Variants in CCDC146 observed in about 807,000 individuals in gnomAD.
CCDC146 encodes the protein coiled-coil domain-containing protein 146.
A neutral mutation model predicts 119.3 loss-of-function variants in CCDC146; 92 were observed. The observed-to-expected ratio is 0.77, with a 90% CI of 0.65 to 0.92. The LOEUF (loss-of-function observed/expected upper bound fraction) is 0.92. Ranked by LOEUF, CCDC146 falls within the 40% of genes least tolerant of loss-of-function variation. The pLI is 0.00. For synonymous variants in CCDC146, 372 were observed against 371.8 expected (o/e 1.00, Z -0.01); for missense variants, 1,000 against 1,103.0 (o/e 0.91, Z 1.32).
At chr7:77,292,264 A>T (rs1217005385) in intron 17 of CCDC146, among the ~76,000 whole-genome samples, 1 of 150,388 alleles carries the variant, frequency 6.6e-6, no homozygotes, top group Non-Finnish European at 1.5e-5. Flanking sequence ...ACTATATACC[A>T]GTGTGAGCAA....
intron 2 of CCDC146, among the ~76,000 whole-genome samples, chr7:77,182,011 T>C (rs1265323262): frequency 7.9e-5 from 12 of 152,216 alleles, no homozygotes; most frequent in Non-Finnish European, 2.9e-5. Flanking sequence ...TAGAACCTAA[T>C]GCCAAGTTAT....
intron 1 of CCDC146, among the ~76,000 whole-genome samples, chr7:77,156,002 G>C (rs1477744774): frequency 2.0e-5 from 3 of 152,138 alleles, no homozygotes; most frequent in Non-Finnish European, 2.9e-5. Context: ...TTGGGGTATG[G>C]TAGGAATGGG....
chr7:77,286,446 A>T (rs570466154), intron 15 of CCDC146, among the ~76,000 whole-genome samples: 2 of 152,268 alleles, frequency 1.3e-5, no homozygotes, highest in Non-Finnish European at 2.9e-5. Flanking sequence ...GGACACATCG[A>T]AACCATATCA....
chr7:77,234,635 TG>T (rs1437977876), intron 2 of CCDC146, among the ~76,000 whole-genome samples: 8 of 152,094 alleles, frequency 5.3e-5, no homozygotes, highest in African/African-American at 1.9e-4. Context: ...ATTGGGAGGC[TG>T]AGGCAGGAGA....
intron 1 of CCDC146, among the ~76,000 whole-genome samples, chr7:77,129,249 A>G (rs191572230): frequency 2.3e-3 from 344 of 152,096 alleles, no homozygotes; most frequent in Non-Finnish European, 3.8e-3. Flanking sequence ...TACCCACCCA[A>G]TTGTCACTCA....
At chr7:77,130,242 A>T (rs1229315076) in intron 1 of CCDC146, among the ~76,000 whole-genome samples, 1 of 152,100 alleles carries the variant, frequency 6.6e-6, no homozygotes, top group Non-Finnish European at 1.5e-5. Context: ...TATAGGATAT[A>T]TAGGGTACTA....
chr7:77,258,897 CA>C, intron 6 of CCDC146, 97 bp from the exon 7 acceptor site: 2 of 759,754 alleles, frequency 2.6e-6, no homozygotes, highest in Non-Finnish European at 4.6e-6. Context: ...TAAGTATCTA[CA>C]TATTGTAGTT....
chr7:77,292,974 T>G lies in CCDC146; in HGVS notation c.2438T>G (p.Ile813Ser), dbSNP rs773703773. 1 of 1,613,868 alleles carries G rather than the reference T, an allele frequency of 6.2e-7. No individual in the cohort carries two copies. The highest frequency in any genetic ancestry group is 1.1e-5 in the South Asian group (1 of 91,062). Residue 813 changes from isoleucine (I) to serine (S), a missense_variant, in exon 18 of 19, where the codon ATC becomes AGC. Ile to Ser is a moderately radical substitution (Grantham distance 142). This residue lies in a region of CCDC146 where 985 missense variants were observed against 1,045.3 expected (regional missense o/e 0.94). Transcript: ENST00000285871. ...TAGATGAATGGCTATCAAAGAAGGA[T>G]CAAAAATGCAACTGAGAAAATGATG... ...AKKMNGYQRR[I>S]KNATEKMMAL...
intron 2 of CCDC146, among the ~76,000 whole-genome samples, chr7:77,192,750 C>G (rs1009221652): frequency 2.2e-4 from 34 of 152,052 alleles, no homozygotes; most frequent in African/African-American, 8.2e-4. Flanking sequence ...TGGTGAAACC[C>G]CGTCTCTACT....
chr7:77,180,294 AC>A, intron 2 of CCDC146, among the ~76,000 whole-genome samples: 1 of 148,074 alleles, frequency 6.8e-6, no homozygotes. Context: ...ACACACACAC[AC>A]CCCATATTTT....
intron 2 of CCDC146, among the ~76,000 whole-genome samples, chr7:77,232,547 T>C (rs926761143): frequency 3.3e-5 from 5 of 152,262 alleles, no homozygotes; most frequent in African/African-American, 1.2e-4. Flanking sequence ...ATGAATATCC[T>C]ACACTCTGTT....
In CCDC146 at chr7:77,171,549, A is replaced by T. The variant is rs576675374; in HGVS notation, c.156+3725A>T. ...ACCTCCAGACTTATCTGCGCTCCCC[A>T]TCAGTACCCCTAAGCTGTCAGATCT... On this transcript the variant is annotated intron_variant, in intron 2 of 18. Transcript: ENST00000285871. Among the ~76,000 whole-genome samples the T allele has an allele frequency of 5.9e-5, 9 of 152,222 alleles. No individual in the cohort carries two copies. In the South Asian group the frequency reaches 8.3e-4, roughly 14 times the overall value.
At chr7:77,199,965 C>G in intron 2 of CCDC146, 1 of 635,080 alleles carries the variant, frequency 1.6e-6, no homozygotes, top group Non-Finnish European at 2.6e-6. Flanking sequence ...CGCAGTTTGC[C>G]AAAAACTGTA....
chr7:77,147,475 G>C (rs1791039071), intron 1 of CCDC146, among the ~76,000 whole-genome samples: 1 of 152,160 alleles, frequency 6.6e-6, no homozygotes. Flanking sequence ...CTTTGGAGGG[G>C]GAGAGGTGCT....
chr7:77,242,068 A>G (rs1429898625), intron 4 of CCDC146, among the ~76,000 whole-genome samples, 168 bp downstream of exon 4: 1 of 152,236 alleles, frequency 6.6e-6, no homozygotes, highest in African/African-American at 2.4e-5. Flanking sequence ...CCTGAACAAG[A>G]AAGTTACACT....
intron 2 of CCDC146, chr7:77,193,911 G>A (rs1476839351): frequency 2.0e-5 from 3 of 152,450 alleles, no homozygotes; most frequent in Non-Finnish European, 2.9e-5. Context: ...AAGGCAAAAG[G>A]TTCTAGCAGA....
chr7:77,196,644 A>G lies in CCDC146; in HGVS notation c.156+28820A>G, dbSNP rs1402472367. The G allele has an allele frequency of 6.2e-7, 1 of 1,613,994 alleles. No homozygotes were observed. The stretch of plus-strand genomic sequence containing the variant: ...TTGAGAAACTCATTAGCCACATAAA[A>G]CTGATCATACAAGGCATATAGTTCG... On this transcript the variant is annotated intron_variant, in intron 2 of 18. Transcript: ENST00000285871. This position sits in a 1 kb window ranked among gnomAD's most constrained non-coding sequence, Gnocchi z 4.2.
At chr7:77,272,461 G>A (rs766273736) in intron 9 of CCDC146, among the ~76,000 whole-genome samples, 6 of 152,228 alleles carry the variant, frequency 3.9e-5, no homozygotes, top group African/African-American at 7.2e-5. Context: ...ATCCTGTTAA[G>A]TAACCTTCAA....
chr7:77,144,433 G>A (rs1377028813), intron 1 of CCDC146, among the ~76,000 whole-genome samples: 1 of 151,706 alleles, frequency 6.6e-6, no homozygotes, highest in Non-Finnish European at 1.5e-5. Context: ...GATTGCCCTG[G>A]CCAGAACTTC....
Sources: allele counts gnomAD v4.1 joint callset (sites outside exome capture counted in the v4.1 genomes callset), GRCh38; gene constraint gnomAD v4.1.1; regional missense constraint gnomAD v4.1.1; non-coding constraint Gnocchi (gnomAD v3.1); transcripts MANE v1.5; gene names NCBI Gene and HGNC (gene_info 2026-07-23, HGNC 2026-07-21).